Variants in R3HCC1L observed in about 807,000 individuals in gnomAD.
R3HCC1L encodes R3H domain and coiled-coil containing 1 like, also known as coiled-coil domain-containing protein R3HCC1L.
Under a neutral mutation model 59.9 loss-of-function variants are expected in R3HCC1L, and 51 were observed. That is an observed-to-expected ratio of 0.85 (90% CI 0.68 to 1.07). R3HCC1L has a LOEUF of 1.07. R3HCC1L is among the 50% of genes least tolerant of loss of function. The probability of loss-of-function intolerance (pLI) is 0.00; values close to 1 mark genes in which losing one functional copy is unlikely to be tolerated. For synonymous variants in R3HCC1L, 322 were observed against 315.2 expected (o/e 1.02, Z -0.23); for missense variants, 965 against 933.0 (o/e 1.03, Z -0.45).
rs879333730 is a variant in R3HCC1L at position 98,221,385 on chromosome 10, T to G, written c.1786-10127T>G. 3.3e-3 allele frequency among the ~76,000 whole-genome samples: 493 copies of G among 148,826 alleles called. 1 individual carries two copies. Among genetic ancestry groups the G allele is most frequent in the Non-Finnish European group, 5.8e-3 (386 of 66,286 alleles). On this transcript the variant is annotated intron_variant, in intron 5 of 9. Transcript: ENST00000298999. ...CTGTGCAGAAGCTCTTTAGTTTAAT[T>G]AGATCCCATTTGTCAATTTTGGCTT...
intron 1 of R3HCC1L, among the ~76,000 whole-genome samples, chr10:98,154,267 G>A (rs1846612790): frequency 6.6e-6 from 1 of 152,004 alleles, no homozygotes; most frequent in Non-Finnish European, 1.5e-5. Context: ...AGGCATTGTG[G>A]GGAGCCTCCC....
At chr10:98,220,100 GGTCT>G (rs1854696359) in intron 5 of R3HCC1L, among the ~76,000 whole-genome samples, 1 of 151,890 alleles carries the variant, frequency 6.6e-6, no homozygotes, top group African/African-American at 2.4e-5. Context: ...TATTTCAGAG[GGTCT>G]GTCTTTTAAG....
intron 1 of R3HCC1L, among the ~76,000 whole-genome samples, chr10:98,138,368 A>C (rs1354728395): frequency 6.6e-6 from 1 of 152,128 alleles, no homozygotes; most frequent in African/African-American, 2.4e-5. Flanking sequence ...GTATGCTATA[A>C]TGTGTTAATT....
chr10:98,211,126 C>T (rs543755407), intron 5 of R3HCC1L, among the ~76,000 whole-genome samples: 8 of 152,182 alleles, frequency 5.3e-5, no homozygotes, highest in South Asian at 2.1e-4. Flanking sequence ...TCCATGAGCC[C>T]CTTGAATTAC....
intron 5 of R3HCC1L, among the ~76,000 whole-genome samples, chr10:98,220,296 G>C (rs1311938540): frequency 6.7e-6 from 1 of 148,982 alleles, no homozygotes; most frequent in Non-Finnish European, 1.5e-5. Context: ...TTATTTATCT[G>C]TGTTTTCTTG....
At chr10:98,221,731 G>A (rs367703742) in intron 5 of R3HCC1L, among the ~76,000 whole-genome samples, 1 of 152,084 alleles carries the variant, frequency 6.6e-6, no homozygotes, top group Non-Finnish European at 1.5e-5. Context: ...CTGTTCCATT[G>A]ATCTATATGT....
intron 4 of R3HCC1L, among the ~76,000 whole-genome samples, chr10:98,181,662 G>T (rs1292526285): frequency 2.0e-5 from 3 of 152,146 alleles, no homozygotes; most frequent in Non-Finnish European, 4.4e-5. Flanking sequence ...CCACTCAAAC[G>T]TAGATTTGGT....
At chr10:98,183,320 C>A (rs1215428136) in intron 4 of R3HCC1L, among the ~76,000 whole-genome samples, 2 of 143,256 alleles carry the variant, frequency 1.4e-5, no homozygotes, top group Admixed American at 1.4e-4. Flanking sequence ...TCCTGTTCCA[C>A]TGTATTGTGT....
chr10:98,153,955 A>G (rs913382344), intron 1 of R3HCC1L, among the ~76,000 whole-genome samples: 103 of 152,306 alleles, frequency 6.8e-4, no homozygotes, highest in African/African-American at 2.4e-3. Context: ...TTTTTCACAT[A>G]CATTGCAATC....
chr10:98,203,105 T>G (rs954308522), intron 4 of R3HCC1L, among the ~76,000 whole-genome samples: 1 of 152,186 alleles, frequency 6.6e-6, no homozygotes, highest in Non-Finnish European at 1.5e-5. Context: ...GTGTTAAATA[T>G]GCTGACTTTG....
At chr10:98,139,950 G>A (rs1844982923) in intron 1 of R3HCC1L, among the ~76,000 whole-genome samples, 1 of 151,100 alleles carries the variant, frequency 6.6e-6, no homozygotes. Context: ...AGTATCGTGA[G>A]GTTTCCAAAT....
In R3HCC1L at chr10:98,142,751, A is replaced by G. The variant is rs548862054; in HGVS notation, c.-268+8045A>G. On this transcript the variant is annotated intron_variant, in intron 1 of 9. Transcript: ENST00000298999. The stretch of plus-strand genomic sequence containing the variant: ...GGAATTTGAGACTAGCCTGGCCAAC[A>G]TGGCAAAACCCTGTCTCCACTAAAA... Among the ~76,000 whole-genome samples the G allele has an allele frequency of 2.8e-4, 43 of 152,110 alleles. 1 individual carries two copies. The highest frequency in any genetic ancestry group is 4.1e-4 in the Non-Finnish European group (28 of 68,012).
intron 9 of R3HCC1L, among the ~76,000 whole-genome samples, chr10:98,236,716 GT>G (rs1857002757): frequency 6.6e-6 from 1 of 152,116 alleles, no homozygotes; most frequent in African/African-American, 2.4e-5. Context: ...GTATCCAAGA[GT>G]TCTCAGAAAA....
chr10:98,231,822 C>T, intron 6 of R3HCC1L, 135 bp downstream of exon 6: 2 of 967,276 alleles, frequency 2.1e-6, no homozygotes. Flanking sequence ...TTGTCTTTTC[C>T]AGGTCCAGTA....
At chr10:98,166,932 T>C (rs1010958010) in intron 4 of R3HCC1L, among the ~76,000 whole-genome samples, 2 of 152,182 alleles carry the variant, frequency 1.3e-5, no homozygotes, top group African/African-American at 4.8e-5. Context: ...CCCAAAGTGC[T>C]GGGATTACAG....
chr10:98,191,675 T>A (rs1045796774), intron 4 of R3HCC1L, among the ~76,000 whole-genome samples: 7 of 152,204 alleles, frequency 4.6e-5, no homozygotes, highest in African/African-American at 1.7e-4. Context: ...CATTTGTCAA[T>A]TTTGGCTTTT....
rs756647836 is a variant in R3HCC1L at position 98,236,085 on chromosome 10, C to T, written c.2190C>T (p.Val730=). Residue 730 remains valine (V), a synonymous_variant, in exon 9 of 10, where the codon GTC becomes GTT. Transcript: ENST00000298999. ...ETSAALARRL[V]ISALGVRSKQ... ...CAGCAGCCCTAGCCAGAAGGTTAGT[C>T]ATCAGTGCCCTTGGGGTTCGAAGTA... 2 of 1,613,988 alleles carry T rather than the reference C, an allele frequency of 1.2e-6. No individual in the cohort carries two copies. The highest frequency in any genetic ancestry group is 1.7e-6 in the Non-Finnish European group (2 of 1,179,918).
chr10:98,216,371 G>A (rs965233589), intron 5 of R3HCC1L, among the ~76,000 whole-genome samples: 5 of 152,112 alleles, frequency 3.3e-5, no homozygotes, highest in African/African-American at 4.8e-5. Flanking sequence ...AAACTTAGCC[G>A]GGCGTAGTGG....
Position 98,239,780 on chromosome 10 carries a change from C to A in R3HCC1L, c.2269+3616C>A, listed in dbSNP as rs79751760. Among the ~76,000 whole-genome samples, 15 of 152,254 alleles carry A rather than the reference C, an allele frequency of 9.9e-5. No individual in the cohort carries two copies. The East Asian group carries it at 2.7e-3, about 28-fold the overall frequency. ...TGGCACGATCACAGCTCTCTGCAGC[C>A]TCAACGTCCCAGGCATAAGGAATCC... On this transcript the variant is annotated intron_variant, in intron 9 of 9. Coordinates refer to ENST00000298999, the MANE Select transcript of R3HCC1L (RefSeq NM_001351015.2).
Sources: gnomAD v4.1 joint callset for allele counts (sites outside exome capture counted in the v4.1 genomes callset) on GRCh38, gnomAD v4.1.1 for gene constraint, MANE v1.5 for transcripts, NCBI Gene and HGNC (gene_info 2026-07-23, HGNC 2026-07-21) for gene names.